Variants in ASTN2 observed in about 807,000 individuals in gnomAD.
The protein encoded by ASTN2 is astrotactin-2.
ASTN2 carries 54 observed loss-of-function variants against 139.8 expected under a neutral mutation model. The ratio of observed to expected loss-of-function variants is 0.39; its 90% CI spans 0.31 to 0.48. The LOEUF (loss-of-function observed/expected upper bound fraction) is 0.48. ASTN2 is among the 20% of genes least tolerant of loss of function. The pLI is 0.95. For missense variants in ASTN2, 1,565 were observed against 1,725.1 expected, an observed-to-expected ratio of 0.91 and a Z score of 1.64; for synonymous variants, 756 against 719.5, an observed-to-expected ratio of 1.05 and a Z score of -0.81.
chr9:116,536,695 C>T (rs897279199), intron 19 of ASTN2, among the ~76,000 whole-genome samples: 18 of 152,218 alleles, frequency 1.2e-4, no homozygotes, highest in Admixed American at 6.5e-5. Flanking sequence ...GCAAATGTTG[C>T]GGCCTGATCG....
chr9:116,874,861 T>C (rs1833255874), intron 10 of ASTN2, among the ~76,000 whole-genome samples: 1 of 152,202 alleles, frequency 6.6e-6, no homozygotes, highest in Admixed American at 6.5e-5. Context: ...TGTGCTCACT[T>C]CATGTCTATG....
chr9:116,603,485 G>A (rs563580142), intron 19 of ASTN2, among the ~76,000 whole-genome samples: 1 of 152,310 alleles, frequency 6.6e-6, no homozygotes, highest in South Asian at 2.1e-4. Flanking sequence ...TGAGAGACTG[G>A]ATTGTTGGAC....
intron 13 of ASTN2, among the ~76,000 whole-genome samples, chr9:116,763,732 G>A (rs1283469716): frequency 6.6e-6 from 1 of 152,166 alleles, no homozygotes; most frequent in Non-Finnish European, 1.5e-5. Context: ...AGCTGTCAGG[G>A]TTACAGAGAG....
chr9:117,112,616 T>C (rs2132790746), intron 4 of ASTN2, among the ~76,000 whole-genome samples: 1 of 152,210 alleles, frequency 6.6e-6, no homozygotes, highest in Admixed American at 6.5e-5. Context: ...TAACTCAAAA[T>C]GGATTACAGA....
chr9:117,237,626 C>G (rs1015680925), intron 2 of ASTN2, among the ~76,000 whole-genome samples: 34 of 152,238 alleles, frequency 2.2e-4, no homozygotes, highest in African/African-American at 7.2e-4. Context: ...ACTACAGGTG[C>G]ATGCCATCAC....
chr9:116,828,043 G>T (rs2094282), intron 11 of ASTN2, among the ~76,000 whole-genome samples: 120,520 of 151,932 alleles, frequency 0.79, 47,998 homozygotes, highest in East Asian at 0.91. Context: ...ACGCCTGTAA[G>T]CCCAGCACTT....
chr9:117,266,232 A>ACTCC (rs1833936185), intron 2 of ASTN2, among the ~76,000 whole-genome samples: 2 of 151,998 alleles, frequency 1.3e-5, no homozygotes, highest in South Asian at 2.1e-4. Context: ...AACATCTATA[A>ACTCC]CTCCCTCCCT....
intron 11 of ASTN2, among the ~76,000 whole-genome samples, chr9:116,829,157 AT>A (rs1349181728): frequency 2.6e-5 from 4 of 152,006 alleles, no homozygotes; most frequent in Non-Finnish European, 5.9e-5. Context: ...TAGAAAAAAA[AT>A]CCTAAAATTC....
chr9:116,750,116 C>T (rs1008130121), intron 13 of ASTN2, among the ~76,000 whole-genome samples: 9 of 152,026 alleles, frequency 5.9e-5, no homozygotes, highest in Admixed American at 2.0e-4. Flanking sequence ...ATATCCAATT[C>T]GAAAATGTTT....
At chr9:116,589,408 G>A (rs1022203737) in intron 19 of ASTN2, among the ~76,000 whole-genome samples, 2 of 152,154 alleles carry the variant, frequency 1.3e-5, no homozygotes, top group Non-Finnish European at 2.9e-5. Flanking sequence ...GTCCCTCTCA[G>A]AACTAACCTT....
At chr9:117,237,366 A>C (rs1167840628) in intron 2 of ASTN2, among the ~76,000 whole-genome samples, 1 of 152,138 alleles carries the variant, frequency 6.6e-6, no homozygotes, top group East Asian at 1.9e-4. Flanking sequence ...GGACCTCCCC[A>C]TGGTGGTAGC....
chr9:116,634,127 A>G (rs1476530497), intron 17 of ASTN2, among the ~76,000 whole-genome samples: 1 of 152,204 alleles, frequency 6.6e-6, no homozygotes, highest in African/African-American at 2.4e-5. Context: ...CTGCCTGTAT[A>G]AAATGGGTAT....
chr9:116,872,020 A>G (rs1473700527), intron 10 of ASTN2, among the ~76,000 whole-genome samples: 1 of 152,130 alleles, frequency 6.6e-6, no homozygotes, highest in African/African-American at 2.4e-5. Context: ...GCTGGAGTGC[A>G]GTGGCGCGAT....
intron 1 of ASTN2, among the ~76,000 whole-genome samples, chr9:117,387,891 T>C (rs554043831): frequency 6.6e-6 from 1 of 152,284 alleles, no homozygotes; most frequent in South Asian, 2.1e-4. Context: ...ATAGAGCCCT[T>C]GATTTGATGC....
chr9:116,815,294 G>A (rs1466753117), intron 12 of ASTN2, among the ~76,000 whole-genome samples: 1 of 152,132 alleles, frequency 6.6e-6, no homozygotes, highest in East Asian at 1.9e-4. Context: ...ATTACATAAA[G>A]AGAATATTAG....
intron 1 of ASTN2, among the ~76,000 whole-genome samples, chr9:117,398,774 T>C (rs1335512605): frequency 1.3e-5 from 2 of 152,216 alleles, no homozygotes; most frequent in Non-Finnish European, 2.9e-5. Flanking sequence ...TACAACAACC[T>C]TGTATTCTTT....
At chr9:117,038,425 G>A (rs1407091541) in intron 6 of ASTN2, among the ~76,000 whole-genome samples, 3 of 152,224 alleles carry the variant, frequency 2.0e-5, no homozygotes, top group East Asian at 3.9e-4. Context: ...TGAGGTGCTG[G>A]AAATATTCTA....
intron 19 of ASTN2, among the ~76,000 whole-genome samples, chr9:116,518,870 A>AC (rs1396015703): frequency 7.6e-4 from 1 of 1,322 alleles, no homozygotes; most frequent in Non-Finnish European, 1.7e-3. Context: ...TACATCAGAC[A>AC]AACAAACTTT....
intron 6 of ASTN2, among the ~76,000 whole-genome samples, chr9:117,024,346 A>G (rs559887668): frequency 6.6e-6 from 1 of 152,298 alleles, no homozygotes; most frequent in African/African-American, 2.4e-5. Flanking sequence ...ATAAAATTGC[A>G]ACCAATAATT....
Sources: allele counts gnomAD v4.1 joint callset (sites outside exome capture counted in the v4.1 genomes callset), GRCh38; gene constraint gnomAD v4.1.1; transcripts MANE v1.5; gene names NCBI Gene and HGNC (gene_info 2026-07-23, HGNC 2026-07-21).